Variants in NTM observed in about 807,000 individuals in gnomAD.
NTM encodes neurotrimin, also known as IgLON family member 2.
Under a neutral mutation model 42.1 loss-of-function variants are expected in NTM, and 13 were observed. The observed-to-expected ratio is 0.31, with a 90% CI of 0.20 to 0.49. NTM has a LOEUF of 0.49. Ranked by LOEUF, NTM falls within the 20% of genes least tolerant of loss-of-function variation. NTM has a pLI of 0.99. For synonymous variants in NTM, 187 were observed against 179.2 expected, an observed-to-expected ratio of 1.04 and a Z score of -0.35; for missense variants, 373 against 452.8, an observed-to-expected ratio of 0.82 and a Z score of 1.60.
intron 2 of NTM, among the ~76,000 whole-genome samples, chr11:131,994,950 T>G (rs1383527365): frequency 6.6e-6 from 1 of 152,216 alleles, no homozygotes; most frequent in Non-Finnish European, 1.5e-5. Flanking sequence ...CCTCATTGTT[T>G]GCAGTTTATT....
intron 2 of NTM, among the ~76,000 whole-genome samples, chr11:132,107,064 T>C (rs1457306082): frequency 6.6e-6 from 1 of 152,180 alleles, no homozygotes; most frequent in Admixed American, 6.5e-5. Context: ...ATATGCCTTT[T>C]TTCATTCAGT....
Position 132,008,533 on chromosome 11 carries a change from G to T in NTM, c.167+96885G>T, listed in dbSNP as rs999999286. ...AGGTTTTTATAGATATTTGTGGAAA[G>T]AATGAACCATCTAGTAGCCTAAGAA... On this transcript the variant is annotated intron_variant, in intron 2 of 8. Transcript: ENST00000683400. Among the ~76,000 whole-genome samples the T allele has an allele frequency of 2.6e-5, 4 of 151,910 alleles. No homozygotes were observed. In the South Asian group the frequency reaches 6.2e-4, roughly 24 times the overall value.
chr11:131,948,882 T>A (rs2060672229), intron 2 of NTM, among the ~76,000 whole-genome samples: 2 of 152,234 alleles, frequency 1.3e-5, no homozygotes, highest in Admixed American at 1.3e-4. Context: ...TTTTAAAGTC[T>A]ACAATACAGT....
chr11:132,013,386 A>T (rs1481028797), intron 2 of NTM, among the ~76,000 whole-genome samples: 1 of 152,192 alleles, frequency 6.6e-6, no homozygotes, highest in Non-Finnish European at 1.5e-5. Context: ...CCTAGTGGAA[A>T]GGAAGCCTGA....
intron 1 of NTM, among the ~76,000 whole-genome samples, chr11:131,414,362 C>G (rs962613471): frequency 6.6e-6 from 1 of 152,142 alleles, no homozygotes; most frequent in Non-Finnish European, 1.5e-5. Context: ...TCTGGCCTGC[C>G]CATTGCTGAG....
chr11:131,876,266 G>A (rs1323641285), intron 1 of NTM, among the ~76,000 whole-genome samples: 1 of 152,202 alleles, frequency 6.6e-6, no homozygotes, highest in Non-Finnish European at 1.5e-5. Context: ...TGTGCGTGCA[G>A]TGAGGCAGCA....
intron 1 of NTM, among the ~76,000 whole-genome samples, chr11:131,834,524 C>A (rs1485492157): frequency 2.6e-5 from 4 of 151,340 alleles, no homozygotes; most frequent in African/African-American, 7.3e-5. Context: ...TCCTAATCAT[C>A]CCTGTCACCT....
chr11:132,327,628 T>C (rs1403327616), intron 7 of NTM, among the ~76,000 whole-genome samples: 2 of 152,210 alleles, frequency 1.3e-5, no homozygotes, highest in Non-Finnish European at 2.9e-5. Context: ...ACAACAGCCC[T>C]TTGCTTATCT....
intron 1 of NTM, among the ~76,000 whole-genome samples, chr11:131,773,211 G>A (rs1002682896): frequency 3.3e-5 from 5 of 152,150 alleles, no homozygotes; most frequent in Non-Finnish European, 7.4e-5. Flanking sequence ...GTCCTCCGGA[G>A]GGGCCAAGGC....
intron 4 of NTM, among the ~76,000 whole-genome samples, chr11:132,214,231 C>A (rs1430637988): frequency 1.3e-5 from 2 of 152,172 alleles, no homozygotes; most frequent in Non-Finnish European, 2.9e-5. Flanking sequence ...CAGACAGGTG[C>A]ATGCTAAGTC....
intron 3 of NTM, among the ~76,000 whole-genome samples, chr11:132,191,752 T>A (rs1196948491): frequency 1.3e-5 from 2 of 152,130 alleles, no homozygotes; most frequent in Non-Finnish European, 2.9e-5. Context: ...AAAAGAATGT[T>A]GAAACCCAAT....
intron 1 of NTM, among the ~76,000 whole-genome samples, chr11:131,589,085 A>G (rs1331313205): frequency 2.0e-5 from 3 of 152,130 alleles, no homozygotes; most frequent in Admixed American, 6.5e-5. Context: ...TTGTGAGAAG[A>G]CAGGTGGCAT....
chr11:131,725,366 T>C (rs1404686482), intron 1 of NTM, among the ~76,000 whole-genome samples: 4 of 152,134 alleles, frequency 2.6e-5, no homozygotes, highest in Admixed American at 2.6e-4. Context: ...AAAATAGGCC[T>C]GATATAGACA....
intron 1 of NTM, chr11:131,795,059 C>T (rs1313410354): frequency 1.3e-6 from 1 of 783,452 alleles, no homozygotes; most frequent in East Asian, 1.3e-4. Flanking sequence ...AAAAACAGCA[C>T]TAGTGATGTG....
intron 2 of NTM, among the ~76,000 whole-genome samples, chr11:132,087,607 G>C (rs1481822780): frequency 6.6e-6 from 1 of 152,170 alleles, no homozygotes; most frequent in Non-Finnish European, 1.5e-5. Flanking sequence ...CTGTGGAATA[G>C]GGTCCTTCTC....
intron 1 of NTM, among the ~76,000 whole-genome samples, chr11:131,859,809 TA>T (rs1157456632): frequency 6.6e-6 from 1 of 152,106 alleles, no homozygotes; most frequent in African/African-American, 2.4e-5. Flanking sequence ...ATTATGATAG[TA>T]AAAATAGATT....
At chr11:132,202,323 A>C (rs538897918) in intron 3 of NTM, among the ~76,000 whole-genome samples, 20 of 152,314 alleles carry the variant, frequency 1.3e-4, no homozygotes, top group Non-Finnish European at 2.2e-4. Context: ...AGTGCTCGGA[A>C]TAGAAGGTGT....
intron 4 of NTM, among the ~76,000 whole-genome samples, chr11:132,268,668 CTCTGTGTGTGTG>C (rs1454536521): frequency 1.4e-5 from 2 of 138,600 alleles, no homozygotes; most frequent in African/African-American, 5.4e-5. Context: ...CTCTCTCTCT[CTCTGTGTGTGTG>C]TGTGTGTGTG....
intron 3 of NTM, among the ~76,000 whole-genome samples, chr11:132,203,306 G>T (rs2081425379): frequency 6.6e-6 from 1 of 151,808 alleles, no homozygotes; most frequent in Non-Finnish European, 1.5e-5. Context: ...CACTAAGAAA[G>T]GACATTTGAT....
Sources: gnomAD v4.1 joint callset for allele counts (sites outside exome capture counted in the v4.1 genomes callset) on GRCh38, gnomAD v4.1.1 for gene constraint, MANE v1.5 for transcripts, NCBI Gene and HGNC (gene_info 2026-07-23, HGNC 2026-07-21) for gene names.